The following GSE1 variants were observed in gnomAD, a reference collection of about 807,000 sequenced individuals.
The protein encoded by GSE1 is Gse1 coiled-coil protein, also known as genetic suppressor element 1.
GSE1 carries 32 observed loss-of-function variants against 112.6 expected under a neutral mutation model. The observed-to-expected ratio is 0.28, with a 90% confidence interval of 0.21 to 0.38. GSE1 has a LOEUF of 0.38. Ranked by LOEUF, GSE1 falls within the 10% of genes least tolerant of loss-of-function variation. The pLI is 1.00. For synonymous variants in GSE1, 1,115 were observed against 735.6 expected, an observed-to-expected ratio of 1.52 and a Z score of -8.35; for missense variants, 2,348 against 1,699.2, an observed-to-expected ratio of 1.38 and a Z score of -6.71.
intron 1 of GSE1, among the ~76,000 whole-genome samples, chr16:85,281,703 G>A (rs1323880695): frequency 1.3e-5 from 2 of 152,168 alleles, no homozygotes; most frequent in African/African-American, 2.4e-5. Flanking sequence ...GTGCATGGAC[G>A]TGGTTTTCAG....
chr16:85,446,861 A>G (rs1247699910), intron 2 of GSE1, among the ~76,000 whole-genome samples: 1 of 151,710 alleles, frequency 6.6e-6, no homozygotes, highest in Non-Finnish European at 1.5e-5. Context: ...AGGGCCCGCA[A>G]CCCCGCTCCC....
rs114054649 is a variant in GSE1 at position 85,588,495 on chromosome 16, G to A, written c.37+32132G>A. On this transcript the variant is annotated intron_variant, in intron 1 of 2. Coordinates refer to the GSE1 transcript ENST00000635906. ...CAATTAATGCTGAATCTGTAATTCG[G>A]ATGACATACAACCCCGGCCAGTGCT... is the stretch of plus-strand genomic sequence containing the variant. Among the ~76,000 whole-genome samples the A allele has an allele frequency of 5.3e-3, 807 of 152,284 alleles. 5 individuals are homozygous for A. Among genetic ancestry groups the A allele is most frequent in the African/African-American group, 0.018 (767 of 41,558 alleles).
At chr16:85,289,770 C>A (rs1279150348) in intron 1 of GSE1, among the ~76,000 whole-genome samples, 1 of 152,282 alleles carries the variant, frequency 6.6e-6, no homozygotes, top group Non-Finnish European at 1.5e-5. Flanking sequence ...GGAACCCAGG[C>A]CGGGCTGGTC....
intron 1 of GSE1, among the ~76,000 whole-genome samples, chr16:85,620,516 A>C (rs1353613057): frequency 2.6e-5 from 4 of 152,244 alleles, no homozygotes; most frequent in Admixed American, 1.3e-4. Flanking sequence ...TTCAAGCAAA[A>C]ATTCTCAGCC....
chr16:85,487,424 G>T (rs991531884), intron 2 of GSE1, among the ~76,000 whole-genome samples: 2 of 152,144 alleles, frequency 1.3e-5, no homozygotes, highest in Non-Finnish European at 2.9e-5. Flanking sequence ...GAGAACCCTC[G>T]CATGGTCTAC....
intron 1 of GSE1, among the ~76,000 whole-genome samples, chr16:85,322,254 G>T (rs2046123523): frequency 6.6e-6 from 1 of 152,002 alleles, no homozygotes; most frequent in South Asian, 2.1e-4. Flanking sequence ...GGCCAGTCTG[G>T]GTCTGATAGT....
intron 1 of GSE1, among the ~76,000 whole-genome samples, chr16:85,229,568 T>C (rs1567624713): frequency 6.6e-6 from 1 of 152,192 alleles, no homozygotes; most frequent in African/African-American, 2.4e-5. Flanking sequence ...TTCCATTCTA[T>C]AGAGAAGGAA....
chr16:85,351,964 T>C (rs189399571), intron 1 of GSE1, among the ~76,000 whole-genome samples: 1 of 151,942 alleles, frequency 6.6e-6, no homozygotes, highest in East Asian at 1.9e-4. Flanking sequence ...CACTCCAGCC[T>C]GGGCAACAGA....
intron 2 of GSE1, among the ~76,000 whole-genome samples, chr16:85,451,867 C>T (rs2049692006): frequency 6.6e-6 from 1 of 152,186 alleles, no homozygotes; most frequent in Non-Finnish European, 1.5e-5. Flanking sequence ...AATGGTTTGC[C>T]CGGTGGAGAC....
intron 1 of GSE1, among the ~76,000 whole-genome samples, chr16:85,210,129 G>C (rs77621387): frequency 0.022 from 3,384 of 152,230 alleles, 129 homozygotes; most frequent in African/African-American, 0.078. Flanking sequence ...GTTCTGTGTC[G>C]TATTCGTCTT....
intron 2 of GSE1, among the ~76,000 whole-genome samples, chr16:85,507,496 A>G (rs7189983): frequency 0.047 from 7,223 of 152,338 alleles, 268 homozygotes; most frequent in South Asian, 0.13. Context: ...TGGGGCTGCC[A>G]TGGCAAAATG....
At chr16:85,269,449 T>A (rs77612880) in intron 1 of GSE1, among the ~76,000 whole-genome samples, 3 of 76,668 alleles carry the variant, frequency 3.9e-5, no homozygotes, top group African/African-American at 2.0e-4. Context: ...GGTGTGTGAG[T>A]GTGTGTGTGT....
intron 1 of GSE1, among the ~76,000 whole-genome samples, chr16:85,299,177 A>G (rs1219068944): frequency 1.3e-5 from 2 of 152,186 alleles, no homozygotes; most frequent in Non-Finnish European, 2.9e-5. Context: ...TTCGGGGAAA[A>G]TACATTTGGG....
Position 85,655,829 on chromosome 16 carries a change from C to T in GSE1, c.901C>T (p.Leu301Phe), listed in dbSNP as rs931144147. 1 of 1,611,280 alleles carries T rather than the reference C, an allele frequency of 6.2e-7. No individual in the cohort carries two copies. The highest frequency in any genetic ancestry group is 8.5e-7 in the Non-Finnish European group (1 of 1,179,662). ...GCACCCATCAGCGATGCACCTGCAC[C>T]TCTCTGGGGTCCGCTACCCTCCCGA... ...PLHPSAMHLH[L>F]SGVRYPPELS... is the part of the protein sequence containing the mutation. The change falls in exon 6 of 16, where the codon CTC (leucine) becomes TTC (phenylalanine). Residue 301 changes from leucine (L) to phenylalanine (F), a missense_variant. Coordinates refer to ENST00000253458, the MANE Select transcript of GSE1 (RefSeq NM_014615.5).
intron 2 of GSE1, among the ~76,000 whole-genome samples, chr16:85,475,007 A>G (rs891323990): frequency 1.3e-5 from 2 of 152,048 alleles, no homozygotes; most frequent in African/African-American, 4.8e-5. Context: ...CTCCTGATGC[A>G]GTCAGGGCGA....
chr16:85,608,390 G>C (rs944773321), upstream of GSE1, among the ~76,000 whole-genome samples: 2 of 152,196 alleles, frequency 1.3e-5, no homozygotes, highest in South Asian at 4.1e-4. Flanking sequence ...GTGCATACAG[G>C]GGAGCTGGGT....
intron 1 of GSE1, among the ~76,000 whole-genome samples, chr16:85,348,562 C>G (rs2046790628): frequency 6.6e-6 from 1 of 152,158 alleles, no homozygotes; most frequent in African/African-American, 2.4e-5. Flanking sequence ...AATGCAGGCT[C>G]CTTTCCCTAA....
At chr16:85,254,623 A>C (rs1159080370) in intron 1 of GSE1, among the ~76,000 whole-genome samples, 2 of 152,034 alleles carry the variant, frequency 1.3e-5, no homozygotes, top group African/African-American at 4.8e-5. Flanking sequence ...CTGTCCACAC[A>C]TCCTCGCGCC....
At position 85,674,103 on chromosome 16, in the gene GSE1, C is replaced by T. The variant is rs763594649; in HGVS notation, c.*1564C>T. 4 of 152,300 alleles carry T rather than the reference C, an allele frequency of 2.6e-5. No individual in the cohort carries two copies. Among genetic ancestry groups the T allele is most frequent in the African/African-American group, 9.7e-5 (4 of 41,444 alleles). 9.4% of individuals were successfully genotyped at this position (152,300 alleles called of 1,614,324 possible). ...CTCTCTTGCTCCCAAGGGCCCTCAC[C>T]AGAGGCCAGGGCTGCCAGTCACTGG... On this transcript the variant is annotated 3_prime_UTR_variant, in exon 16 of 16. Coordinates refer to ENST00000253458, the MANE Select transcript of GSE1 (RefSeq NM_014615.5).
Sources: gnomAD v4.1 joint callset for allele counts (sites outside exome capture counted in the v4.1 genomes callset) on GRCh38, gnomAD v4.1.1 for gene constraint, MANE v1.5 for transcripts, NCBI Gene and HGNC (gene_info 2026-07-23, HGNC 2026-07-21) for gene names.